The following VRK1 variants were observed in gnomAD, a reference collection of about 807,000 sequenced individuals.
VRK1 encodes VRK serine/threonine kinase 1, also known as serine/threonine-protein kinase VRK1.
VRK1 carries 33 observed loss-of-function variants against 57.1 expected under a neutral mutation model. That is an observed-to-expected ratio of 0.58 (90% CI 0.44 to 0.77). The LOEUF (loss-of-function observed/expected upper bound fraction) is 0.77, where lower values mean the gene tolerates loss of function less well. VRK1 is among the 30% of genes least tolerant of loss of function. The pLI is 0.00. For synonymous variants in VRK1, 137 were observed against 147.8 expected, an observed-to-expected ratio of 0.93 and a Z score of 0.53; for missense variants, 413 against 477.3, an observed-to-expected ratio of 0.87 and a Z score of 1.25.
At chr14:96,801,699 T>C (rs1821760294) in intron 1 of VRK1, among the ~76,000 whole-genome samples, 1 of 152,216 alleles carries the variant, frequency 6.6e-6, no homozygotes, top group Non-Finnish European at 1.5e-5. Flanking sequence ...TAACACATAT[T>C]TGTATATGTA....
At chr14:96,828,186 G>A (rs1886872508) in intron 1 of VRK1, among the ~76,000 whole-genome samples, 1 of 152,156 alleles carries the variant, frequency 6.6e-6, no homozygotes, top group South Asian at 2.1e-4. Flanking sequence ...TCCAGTTTGT[G>A]GCTGTTGTGA....
intron 10 of VRK1, among the ~76,000 whole-genome samples, chr14:96,860,160 G>A (rs1443777731): frequency 6.6e-6 from 1 of 151,874 alleles, no homozygotes; most frequent in Non-Finnish European, 1.5e-5. Context: ...ATCTGCTATA[G>A]AGCTAATGGC....
At chr14:96,830,895 T>C (rs1227928008) in intron 1 of VRK1, among the ~76,000 whole-genome samples, 1 of 152,230 alleles carries the variant, frequency 6.6e-6, no homozygotes, top group African/African-American at 2.4e-5. Context: ...ATTATCCTTG[T>C]GATGTTCACT....
chr14:96,855,726 G>A (rs528576334), intron 8 of VRK1, among the ~76,000 whole-genome samples: 1 of 152,106 alleles, frequency 6.6e-6, no homozygotes, highest in South Asian at 2.1e-4. Context: ...TACCTGTTAA[G>A]TTAGTTTATT....
At chr14:96,808,002 C>CGTCT (rs1555357994) in intron 1 of VRK1, among the ~76,000 whole-genome samples, 2 of 118,220 alleles carry the variant, frequency 1.7e-5, no homozygotes, top group South Asian at 2.8e-4. Flanking sequence ...TCCCTCTCTC[C>CGTCT]CTCTCTCTCT....
Position 96,881,179 on chromosome 14 carries a change from T to C in VRK1, c.1162T>C (p.Ser388Pro). The C allele has an allele frequency of 1.2e-6, 2 of 1,605,748 alleles. No homozygotes were observed. Among genetic ancestry groups the C allele is most frequent in the South Asian group, 1.1e-5 (1 of 89,576 alleles). The change falls in exon 13 of 13, where the codon TCA (serine) becomes CCA (proline). Residue 388 changes from serine (S) to proline (P), a missense_variant and splice_region_variant. By Grantham distance (74) the Ser-to-Pro change is moderately conservative (BLOSUM62 -1). This residue lies in a region of VRK1 where 146 missense variants were observed against 138.2 expected (regional missense o/e 1.06). Transcript: ENST00000216639. Reference protein sequence around the residue: ...TQTEEAIQTRSRTRKRVQK With the variant: ...TQTEEAIQTRPRTRKRVQK ...AGTTTCTTTGATTTTTCTTCAAGGT[T>C]CAAGAACCAGAAAGAGAGTCCAGAA...
intron 12 of VRK1, among the ~76,000 whole-genome samples, chr14:96,876,594 C>G (rs371729108): frequency 1.1e-4 from 16 of 152,278 alleles, no homozygotes; most frequent in African/African-American, 3.6e-4. Flanking sequence ...TTTCCACTTC[C>G]TCACACTGAT....
chr14:96,860,440 G>T, intron 10 of VRK1, 117 bp from the exon 11 acceptor site: 1 of 932,750 alleles, frequency 1.1e-6, no homozygotes, highest in Non-Finnish European at 1.6e-6. Context: ...GAAAAAAATA[G>T]GTATCTTAAC....
intron 3 of VRK1, 94 bp downstream of exon 3, chr14:96,837,911 C>A: frequency 2.7e-6 from 2 of 745,726 alleles, no homozygotes; most frequent in Non-Finnish European, 2.1e-6. Flanking sequence ...TTAATTAAAC[C>A]ATAAGATACT....
chr14:96,850,949 A>G (rs1032823914), intron 5 of VRK1, among the ~76,000 whole-genome samples: 13 of 152,136 alleles, frequency 8.5e-5, no homozygotes, highest in African/African-American at 2.9e-4. Context: ...TGCTCATCCT[A>G]TGTTATAATC....
chr14:96,799,226 G>C (rs1278455650), intron 1 of VRK1, among the ~76,000 whole-genome samples: 2 of 152,136 alleles, frequency 1.3e-5, no homozygotes, highest in Non-Finnish European at 2.9e-5. Flanking sequence ...CTTATGCTAA[G>C]TTTTATTCCA....
intron 5 of VRK1, among the ~76,000 whole-genome samples, chr14:96,849,579 C>G (rs560428478): frequency 2.0e-5 from 3 of 152,182 alleles, no homozygotes; most frequent in African/African-American, 7.2e-5. Context: ...CTCTTGTTTC[C>G]CTATGTGTGA....
chr14:96,881,424 CCTT>C lies in VRK1; in HGVS notation c.*217_*219del, dbSNP rs1889255128. ...AATTTGAAAATCTTCAGGTTATACT[CCTT>C]AAGTTATCCCAAAGCCGTGTGTTTG... On this transcript the variant is annotated 3_prime_UTR_variant, in exon 13 of 13. Transcript: ENST00000216639. 4 of 490,246 alleles carry C rather than the reference CCTT, an allele frequency of 8.2e-6. No homozygotes were observed. The East Asian group carries it at 1.3e-4, about 16-fold the overall frequency. 30.4% of individuals were successfully genotyped at this position (490,246 alleles called of 1,614,324 possible).
At chr14:96,841,068 G>A (rs1378414823) in intron 3 of VRK1, among the ~76,000 whole-genome samples, 1 of 151,974 alleles carries the variant, frequency 6.6e-6, no homozygotes, top group Non-Finnish European at 1.5e-5. Flanking sequence ...TTGTTGCCCA[G>A]GCTGGTGTCA....
intron 11 of VRK1, among the ~76,000 whole-genome samples, chr14:96,867,745 T>C (rs1466987335): frequency 6.6e-6 from 1 of 152,208 alleles, no homozygotes; most frequent in Non-Finnish European, 1.5e-5. Flanking sequence ...TAACGCTGTT[T>C]TGTATAGATC....
Position 96,852,908 on chromosome 14 carries a change from G to A in VRK1, c.452G>A (p.Arg151Gln), listed in dbSNP as rs536881543. ...IYEANAKRFS[R>Q]KTVLQLSLRI... The stretch of plus-strand genomic sequence containing the variant: ...GAAGCAAATGCCAAAAGGTTTTCTC[G>A]GAAAACTGTCTTGCAGCTAAGCTTA... The change falls in exon 6 of 13, where the codon CGG (arginine) becomes CAG (glutamine). Residue 151 changes from arginine (R) to glutamine (Q), a missense_variant. Arg to Gln is a conservative substitution (Grantham distance 43, BLOSUM62 1). Coordinates refer to ENST00000216639, the MANE Select transcript of VRK1 (RefSeq NM_003384.3). The A allele has an allele frequency of 1.3e-5, 21 of 1,613,736 alleles. No individual in the cohort carries two copies. Among genetic ancestry groups the A allele is most frequent in the African/African-American group, 1.1e-4 (8 of 75,016 alleles).
Position 96,881,213 on chromosome 14 carries a change from G to C in VRK1, c.*5G>C. Reference sequence around the variant, plus strand: ...AGAAAGAGAGTCCAGAAGTAATTCAGATGCTGTGAACCAGATTTCCTTTTC... The same window carrying C: ...AGAAAGAGAGTCCAGAAGTAATTCACATGCTGTGAACCAGATTTCCTTTTC... On this transcript the variant is annotated 3_prime_UTR_variant, in exon 13 of 13. Transcript: ENST00000216639. 1 of 1,602,858 alleles carries C rather than the reference G, an allele frequency of 6.2e-7. No homozygotes were observed.
At chr14:96,836,823 T>A (rs950406457) in intron 2 of VRK1, among the ~76,000 whole-genome samples, 1 of 152,042 alleles carries the variant, frequency 6.6e-6, no homozygotes. Context: ...GCCATTGTGC[T>A]CAGTCCAGAT....
chr14:96,880,548 G>C (rs1040635095), intron 12 of VRK1, among the ~76,000 whole-genome samples: 7 of 152,338 alleles, frequency 4.6e-5, no homozygotes, highest in African/African-American at 1.7e-4. Context: ...CCCCAGCAGA[G>C]AGTCATTGAT....
Sources: allele counts gnomAD v4.1 joint callset (sites outside exome capture counted in the v4.1 genomes callset), GRCh38; gene constraint gnomAD v4.1.1; regional missense constraint gnomAD v4.1.1; transcripts MANE v1.5; gene names NCBI Gene and HGNC (gene_info 2026-07-23, HGNC 2026-07-21).